Variants in RYR3 observed in about 807,000 individuals in gnomAD.
RYR3 encodes the protein brain ryanodine receptor-calcium release channel.
RYR3 carries 207 observed loss-of-function variants against 584.3 expected under a neutral mutation model. The ratio of observed to expected loss-of-function variants is 0.35; its 90% CI spans 0.32 to 0.40. The LOEUF (loss-of-function observed/expected upper bound fraction) is 0.40. RYR3 is among the 10% of genes least tolerant of loss of function. The pLI is 1.00. For missense variants in RYR3, 5,616 were observed against 6,089.2 expected (o/e 0.92, Z 2.59); for synonymous variants, 2,416 against 2,248.5 (o/e 1.07, Z -2.11).
intron 60 of RYR3, among the ~76,000 whole-genome samples, chr15:33,767,940 C>G (rs1355046272): frequency 1.3e-5 from 2 of 152,178 alleles, no homozygotes; most frequent in African/African-American, 4.8e-5. Context: ...TCATTAGGCA[C>G]TGTGGAAAGT....
intron 16 of RYR3, among the ~76,000 whole-genome samples, chr15:33,598,090 CTG>C (rs2059463327): frequency 6.6e-6 from 1 of 151,618 alleles, no homozygotes; most frequent in Non-Finnish European, 1.5e-5. Flanking sequence ...GAGGGAGACA[CTG>C]TTATTTTTCT....
rs777729846 is a variant in RYR3 at position 33,820,805 on chromosome 15, C to G, written c.10808C>G (p.Thr3603Arg). ...DEEEDEDKEK[T>R]FEEKEMEKQK... ...GAAGAAGATGAAGACAAGGAAAAAA[C>G]ATTCGAAGTAAGTTCTCATGAAGAA... The change falls in exon 78 of 104, where the codon ACA (threonine) becomes AGA (arginine). Residue 3603 changes from threonine to arginine, a missense_variant. By Grantham distance (71) the Thr-to-Arg change is moderately conservative. Coordinates refer to ENST00000634891, the MANE Select transcript of RYR3 (RefSeq NM_001036.6). 34 of 1,595,702 alleles carry G rather than the reference C, an allele frequency of 2.1e-5. No homozygotes were observed. The highest frequency in any genetic ancestry group is 8.5e-7 in the Non-Finnish European group (1 of 1,170,638).
At chr15:33,597,280 A>G (rs752602641) in intron 16 of RYR3, among the ~76,000 whole-genome samples, 7 of 152,218 alleles carry the variant, frequency 4.6e-5, no homozygotes, top group Non-Finnish European at 1.0e-4. Context: ...TAAGGCATTT[A>G]TAATAGTAGT....
At chr15:33,423,863 G>C (rs771697949) in intron 1 of RYR3, among the ~76,000 whole-genome samples, 1 of 152,070 alleles carries the variant, frequency 6.6e-6, no homozygotes, top group East Asian at 1.9e-4. Context: ...CCAAGTTAAG[G>C]CTTGTCAGTT....
In RYR3 at chr15:33,603,128, G is replaced by A. The variant is rs371008189; in HGVS notation, c.1928G>A (p.Arg643Gln). 1.1e-5 allele frequency: 17 copies of A among 1,613,454 alleles called. No homozygotes were observed. Among genetic ancestry groups the A allele is most frequent in the African/African-American group, 6.7e-5 (5 of 74,856 alleles). The change falls in exon 18 of 104, where the codon CGG becomes CAG. Residue 643 changes from arginine (R) to glutamine (Q), a missense_variant. By Grantham distance (43) the Arg-to-Gln change is conservative (BLOSUM62 1). Coordinates refer to ENST00000634891, the MANE Select transcript of RYR3 (RefSeq NM_001036.6). ...TTGCCCATGTTTACTTTCAGTATCC[G>A]GCCAAACATCTTCCTGGGAGTCGCG... ...TRLINDVTSI[R>Q]PNIFLGVAEG...
intron 1 of RYR3, among the ~76,000 whole-genome samples, chr15:33,471,497 G>A (rs1203796649): frequency 1.3e-5 from 2 of 152,030 alleles, no homozygotes; most frequent in East Asian, 3.9e-4. Context: ...GGTGGTTTGG[G>A]CGCCTGGGGG....
chr15:33,568,056 G>T (rs1032152610), intron 12 of RYR3, among the ~76,000 whole-genome samples: 2 of 152,152 alleles, frequency 1.3e-5, no homozygotes, highest in African/African-American at 4.8e-5. Context: ...TGCTATCCTG[G>T]GATGTTTTTT....
chr15:33,834,476 CTTTT>C (rs11337237), intron 86 of RYR3, among the ~76,000 whole-genome samples: 1 of 147,580 alleles, frequency 6.8e-6, no homozygotes, highest in Non-Finnish European at 1.5e-5. Context: ...GATTTCTTTT[CTTTT>C]TTTTTTTTTT....
Position 33,660,398 on chromosome 15 carries a change from G to A in RYR3, c.4597G>A (p.Ala1533Thr), listed in dbSNP as rs374974780. 3.2e-6 allele frequency: 5 copies of A among 1,573,432 alleles called. No homozygotes were observed. Among genetic ancestry groups the A allele is most frequent in the Non-Finnish European group, 4.3e-6 (5 of 1,159,478 alleles). The change falls in exon 34 of 104, where the codon GCG becomes ACG. Residue 1533 changes from alanine (A) to threonine (T), a missense_variant. Physicochemically the swap from Ala to Thr is moderately conservative, Grantham distance 58. This residue lies in a region of RYR3 where 753 missense variants were observed against 741.0 expected (regional missense o/e 1.02). Transcript: ENST00000634891. ...VQCLEPLQMM[A>T]LHIPEENRCV... is the part of the protein sequence containing the mutation. ...GTGCCTGGAGCCCCTGCAGATGATG[G>A]CGCTCCACATCCCCGAGGAGAACAG...
At chr15:33,359,957 T>G (rs1974535061) in intron 1 of RYR3, among the ~76,000 whole-genome samples, 1 of 152,062 alleles carries the variant, frequency 6.6e-6, no homozygotes, top group Admixed American at 6.6e-5. Flanking sequence ...TATGATACTC[T>G]CCATACCCTT....
intron 1 of RYR3, among the ~76,000 whole-genome samples, chr15:33,452,896 A>G (rs564401514): frequency 6.6e-6 from 1 of 152,338 alleles, no homozygotes; most frequent in East Asian, 1.9e-4. Context: ...ATTCCTAATT[A>G]CAGAAAAACC....
At chr15:33,535,951 C>T (rs1163725897) in intron 5 of RYR3, among the ~76,000 whole-genome samples, 1 of 152,198 alleles carries the variant, frequency 6.6e-6, no homozygotes, top group Non-Finnish European at 1.5e-5. Context: ...AGAGCCTAAA[C>T]TAACTTACGT....
intron 1 of RYR3, among the ~76,000 whole-genome samples, chr15:33,316,408 G>A (rs1254206313): frequency 1.3e-5 from 2 of 152,072 alleles, no homozygotes; most frequent in African/African-American, 2.4e-5. Context: ...AGACCCAGGC[G>A]GTCCTAGGTC....
chr15:33,437,960 A>G (rs1250501791), intron 1 of RYR3, among the ~76,000 whole-genome samples: 1 of 152,138 alleles, frequency 6.6e-6, no homozygotes, highest in Non-Finnish European at 1.5e-5. Flanking sequence ...TGGCGTCAGC[A>G]TTCCACCTGC....
chr15:33,621,108 A>G (rs555431345), intron 19 of RYR3, among the ~76,000 whole-genome samples: 5 of 151,834 alleles, frequency 3.3e-5, no homozygotes, highest in Non-Finnish European at 1.5e-5. Flanking sequence ...CTGAAACTCT[A>G]CTTTTCTTGA....
intron 69 of RYR3, chr15:33,802,180 C>A: frequency 1.5e-6 from 1 of 682,530 alleles, no homozygotes; most frequent in Non-Finnish European, 2.7e-6. Flanking sequence ...GCTTGTATGT[C>A]AAAAAGCTTA....
intron 1 of RYR3, among the ~76,000 whole-genome samples, chr15:33,410,467 G>T (rs138942767): frequency 2.7e-4 from 41 of 152,290 alleles, no homozygotes; most frequent in East Asian, 2.5e-3. Context: ...GTCACTAAAG[G>T]TCCATCCTCA....
intron 67 of RYR3, among the ~76,000 whole-genome samples, chr15:33,796,488 A>G (rs1222897154): frequency 6.6e-6 from 1 of 152,034 alleles, no homozygotes; most frequent in Non-Finnish European, 1.5e-5. Context: ...GCCACCCCCC[A>G]GGATTCTGTT....
At chr15:33,853,118 G>T (rs775374344) in intron 95 of RYR3, 31 bp downstream of exon 95, 1 of 1,540,434 alleles carries the variant, frequency 6.5e-7, no homozygotes, top group Non-Finnish European at 8.7e-7. Flanking sequence ...TGAGTTCCGT[G>T]ATCACCAAAA....
Sources: gnomAD v4.1 joint callset for allele counts (sites outside exome capture counted in the v4.1 genomes callset) on GRCh38, gnomAD v4.1.1 for gene constraint, gnomAD v4.1.1 regional missense constraint, MANE v1.5 for transcripts, NCBI Gene and HGNC (gene_info 2026-07-23, HGNC 2026-07-21) for gene names.